Variants in GIPR observed in about 807,000 individuals in gnomAD.
The protein encoded by GIPR is GIP-R.
A neutral mutation model predicts 62.2 loss-of-function variants in GIPR; 74 were observed. The observed-to-expected ratio is 1.19, with a 90% CI of 0.99 to 1.44. The LOEUF is 1.44. GIPR is among the 40% of genes most tolerant of loss of function. GIPR has a pLI of 0.00. For synonymous variants in GIPR, 256 were observed against 262.2 expected, an observed-to-expected ratio of 0.98 and a Z score of 0.23; for missense variants, 664 against 611.8, an observed-to-expected ratio of 1.09 and a Z score of -0.90.
At chr19:45,669,446 G>T in intron 1 of GIPR, 31 bp from the exon 2 acceptor site, 1 of 1,534,466 alleles carries the variant, frequency 6.5e-7, no homozygotes. Flanking sequence ...TAGGAGGGCA[G>T]AGGTGCTGAC....
At chr19:45,672,984 A>T (rs1376405916) in intron 5 of GIPR, 30 bp downstream of exon 5, 1 of 1,268,482 alleles carries the variant, frequency 7.9e-7, no homozygotes, top group African/African-American at 1.5e-5. Context: ...TCAGGTTAGG[A>T]GTCCAGGGAG....
chr19:45,669,954 G>T (rs374542232), intron 2 of GIPR, among the ~76,000 whole-genome samples: 16 of 117,190 alleles, frequency 1.4e-4, no homozygotes, highest in South Asian at 8.2e-4. Context: ...GTCTCGGGGT[G>T]GGGGGGGGAG....
intron 7 of GIPR, among the ~76,000 whole-genome samples, chr19:45,676,502 C>T (rs1002804291): frequency 1.6e-5 from 2 of 126,458 alleles, no homozygotes; most frequent in African/African-American, 6.0e-5. Flanking sequence ...GGTGCAATCT[C>T]GGCTCACCGC....
In GIPR at chr19:45,675,236, C is replaced by T. The variant is rs73573259; in HGVS notation, c.633+410C>T. On this transcript the variant is annotated intron_variant, in intron 7 of 13. Coordinates refer to ENST00000590918, the MANE Select transcript of GIPR (RefSeq NM_000164.4). Reference sequence around the variant, plus strand: ...GGAGAGACTAGAGTCTGGGAGCAGACGTGGTAAGAACTAACTTGTTGAAAG... The same window carrying T: ...GGAGAGACTAGAGTCTGGGAGCAGATGTGGTAAGAACTAACTTGTTGAAAG... 6.4e-3 allele frequency: 1,555 copies of T among 243,278 alleles called. 22 individuals are homozygous for T. Among genetic ancestry groups the T allele is most frequent in the African/African-American group, 0.029 (1,262 of 42,856 alleles). The allele number at this position is 243,278 out of a possible 1,614,324, so 15.1% of individuals were successfully genotyped here.
At chr19:45,670,352 T>C in intron 2 of GIPR, 1 of 360,154 alleles carries the variant, frequency 2.8e-6, no homozygotes. Flanking sequence ...GTTTTGATTA[T>C]CGTTTCCACT....
chr19:45,668,747 GT>G (rs1975386701), intron 1 of GIPR, among the ~76,000 whole-genome samples: 1 of 152,218 alleles, frequency 6.6e-6, no homozygotes, highest in Non-Finnish European at 1.5e-5. Context: ...GCGCGGGTGA[GT>G]GGGTGTCGGG....
chr19:45,673,676 C>T (rs192977432), intron 5 of GIPR, among the ~76,000 whole-genome samples: 17 of 151,936 alleles, frequency 1.1e-4, no homozygotes, highest in South Asian at 4.2e-4. Flanking sequence ...CCATTCTGGC[C>T]AACATGGTGA....
chr19:45,674,074 G>GA lies in GIPR; in HGVS notation c.386dup (p.Asp129GlufsTer41), dbSNP rs766367492. On this transcript the variant is annotated frameshift_variant and splice_region_variant, in exon 6 of 14. Transcript: ENST00000590918. LOFTEE classifies it high-confidence loss of function. The stretch of plus-strand genomic sequence containing the variant: ...CCCTTCCCCTTCTTGCCCCGACCAG[G>GA]ACCAAAGGCTCATCTTGGAGCGGTT... 3 of 1,602,232 alleles carry GA rather than the reference G, an allele frequency of 1.9e-6. No individual in the cohort carries two copies. The highest frequency in any genetic ancestry group is 2.6e-6 in the Non-Finnish European group (3 of 1,169,244).
intron 12 of GIPR, among the ~76,000 whole-genome samples, chr19:45,680,489 A>G (rs538546130): frequency 6.6e-5 from 10 of 151,850 alleles, no homozygotes; most frequent in African/African-American, 2.4e-4. Context: ...AGCCATGATC[A>G]CTCCACTGCA....
intron 8 of GIPR, 88 bp from the exon 9 acceptor site, chr19:45,677,235 G>A (rs1600307292): frequency 6.6e-6 from 9 of 1,371,532 alleles, no homozygotes; most frequent in Non-Finnish European, 3.0e-6. Flanking sequence ...CCCCGACAGA[G>A]GAATTCCGCG....
chr19:45,670,770 T>C, intron 3 of GIPR, 36 bp downstream of exon 3: 1 of 1,226,610 alleles, frequency 8.2e-7, no homozygotes, highest in Non-Finnish European at 1.2e-6. Flanking sequence ...GGGGAGGACC[T>C]GAGGCTGAGA....
At chr19:45,670,875 TG>T (rs1975498979) in intron 3 of GIPR, 141 bp downstream of exon 3, 3 of 616,290 alleles carry the variant, frequency 4.9e-6, no homozygotes, top group Non-Finnish European at 8.6e-6. Flanking sequence ...CTGAGCATGG[TG>T]GGAACTGGGG....
chr19:45,674,871 C>G, intron 7 of GIPR, 45 bp downstream of exon 7: 1 of 1,582,956 alleles, frequency 6.3e-7, no homozygotes, highest in Middle Eastern at 1.7e-4. Flanking sequence ...TCTTGCTTCT[C>G]TGGTGGGACC....
At chr19:45,677,183 C>T (rs1365079639) in intron 8 of GIPR, 75 bp downstream of exon 8, 9 of 1,492,708 alleles carry the variant, frequency 6.0e-6, no homozygotes, top group Non-Finnish European at 8.3e-6. Flanking sequence ...GCTGGTTGGC[C>T]TCTGCGGGTC....
chr19:45,678,230 C>T lies in GIPR; in HGVS notation c.1152+4C>T. ...GATCTTCCTCAGCTCCTTCCAGGTG[C>T]TCAGGCAGGGTGCAGGGGCTCCATC... On this transcript the variant is annotated splice_donor_region_variant and intron_variant, in intron 12 of 13. Transcript: ENST00000590918. The T allele has an allele frequency of 6.4e-7, 1 of 1,557,140 alleles. No homozygotes were observed.
At position 45,678,239 on chromosome 19, in the gene GIPR, G is replaced by C. The variant is rs760232460; in HGVS notation, c.1152+13G>C. On this transcript the variant is annotated intron_variant, in intron 12 of 13. Coordinates refer to ENST00000590918, the MANE Select transcript of GIPR (RefSeq NM_000164.4). ...CAGCTCCTTCCAGGTGCTCAGGCAG[G>C]GTGCAGGGGCTCCATCCTTCCACCC... 3 of 1,551,758 alleles carry C rather than the reference G, an allele frequency of 1.9e-6. No individual in the cohort carries two copies. In the East Asian group the frequency reaches 7.3e-5, roughly 38 times the overall value.
At position 45,672,876 on chromosome 19, in the gene GIPR, G is replaced by C. The variant is rs774479348; in HGVS notation, c.306G>C (p.Gln102His). The stretch of plus-strand genomic sequence containing the variant: ...TGGCTGCAGGTTTCGTCCTCCGCCA[G>C]TGTGGCAGTGATGGCCAATGGGGAC... ...HHVAAGFVLR[Q>H]CGSDGQWGLW... Residue 102 changes from glutamine to histidine, a missense_variant, in exon 5 of 14, where the codon CAG (glutamine) becomes CAC (histidine). Transcript: ENST00000590918. 1.9e-6 allele frequency: 3 copies of C among 1,612,850 alleles called. No individual in the cohort carries two copies. Among genetic ancestry groups the C allele is most frequent in the Non-Finnish European group, 2.5e-6 (3 of 1,178,854 alleles).
chr19:45,676,426 A>ATTTTTTTTTTTTTTT (rs869190523), intron 7 of GIPR, among the ~76,000 whole-genome samples: 1 of 73,690 alleles, frequency 1.4e-5, no homozygotes, highest in African/African-American at 5.7e-5. Flanking sequence ...AAAGAAGCTG[A>ATTTTTTTTTTTTTTT]TTTTTTTTTT....
rs866824282 is a variant in GIPR at position 45,681,913 on chromosome 19, G to T, written c.1379G>T (p.Arg460Leu). The stretch of plus-strand genomic sequence containing the variant: ...CCAGGGCCTGGGAATGAGGCCAGCC[G>T]GGAGTTGGAAAGTTACTGCTAGGGG... ...TLPGPGNEAS[R>L]ELESYC Residue 460 changes from arginine (R) to leucine (L), a missense_variant, in exon 14 of 14, where the codon CGG (arginine) becomes CTG (leucine). Coordinates refer to ENST00000590918, the MANE Select transcript of GIPR (RefSeq NM_000164.4). The T allele has an allele frequency of 6.4e-7, 1 of 1,560,456 alleles. No individual in the cohort carries two copies. The highest frequency in any genetic ancestry group is 2.3e-5 in the East Asian group (1 of 42,636).
Sources: allele counts gnomAD v4.1 joint callset (sites outside exome capture counted in the v4.1 genomes callset), GRCh38; gene constraint gnomAD v4.1.1; transcripts MANE v1.5; gene names NCBI Gene and HGNC (gene_info 2026-07-23, HGNC 2026-07-21).